The following IFT81 variants were observed in gnomAD, a reference collection of about 807,000 sequenced individuals.
IFT81 encodes intraflagellar transport protein 81 homolog.
A neutral mutation model predicts 102.6 loss-of-function variants in IFT81; 72 were observed. The observed-to-expected ratio is 0.70, with a 90% CI of 0.58 to 0.85. The LOEUF (loss-of-function observed/expected upper bound fraction) is 0.85, where lower values mean the gene tolerates loss of function less well. Ranked by LOEUF, IFT81 falls within the 40% of genes least tolerant of loss-of-function variation. The pLI is 0.00. For missense variants in IFT81, 723 were observed against 787.3 expected (o/e 0.92, Z 0.98); for synonymous variants, 237 against 242.7 (o/e 0.98, Z 0.22).
intron 8 of IFT81, 43 bp from the exon 9 acceptor site, chr12:110,143,339 C>T (rs1308296611): frequency 1.8e-6 from 2 of 1,137,094 alleles, no homozygotes; most frequent in Admixed American, 7.7e-5. Flanking sequence ...TATCACTGTA[C>T]CTACTCTTTT....
intron 9 of IFT81, among the ~76,000 whole-genome samples, chr12:110,145,635 C>T (rs1332552229): frequency 1.3e-5 from 2 of 151,224 alleles, no homozygotes; most frequent in Admixed American, 1.3e-4. Context: ...TGGGGTTTCA[C>T]TGTGTTGGCC....
intron 11 of IFT81, among the ~76,000 whole-genome samples, chr12:110,164,498 C>G (rs975106378): frequency 1.3e-5 from 2 of 151,962 alleles, no homozygotes; most frequent in African/African-American, 4.8e-5. Context: ...CAAAAGCTAT[C>G]GTGGAAAGCT....
At chr12:110,149,500 G>T (rs1895401984) in intron 10 of IFT81, among the ~76,000 whole-genome samples, 1 of 152,176 alleles carries the variant, frequency 6.6e-6, no homozygotes, top group African/African-American at 2.4e-5. Flanking sequence ...CTTATCACAA[G>T]GACAGAGGGC....
At chr12:110,166,315 A>C (rs541650650) in intron 11 of IFT81, among the ~76,000 whole-genome samples, 1 of 152,226 alleles carries the variant, frequency 6.6e-6, no homozygotes, top group African/African-American at 2.4e-5. Context: ...AATATGAAAT[A>C]GTTTCTGTTT....
At chr12:110,200,707 T>C (rs548889207) in intron 14 of IFT81, among the ~76,000 whole-genome samples, 3 of 152,236 alleles carry the variant, frequency 2.0e-5, no homozygotes, top group Non-Finnish European at 2.9e-5. Flanking sequence ...CCCAACACTT[T>C]GGGAGGCTGA....
At chr12:110,202,011 T>C (rs1041069170) in intron 14 of IFT81, among the ~76,000 whole-genome samples, 1 of 152,184 alleles carries the variant, frequency 6.6e-6, no homozygotes, top group African/African-American at 2.4e-5. Context: ...ATAAAAAATA[T>C]AGCATAGTAA....
At chr12:110,131,800 T>A (rs560444468) in intron 4 of IFT81, among the ~76,000 whole-genome samples, 1 of 152,330 alleles carries the variant, frequency 6.6e-6, no homozygotes, top group South Asian at 2.1e-4. Flanking sequence ...TAGTCAGTTA[T>A]AATTGTACAT....
At chr12:110,210,748 AC>A (rs1336702639) in intron 18 of IFT81, among the ~76,000 whole-genome samples, 1 of 151,740 alleles carries the variant, frequency 6.6e-6, no homozygotes, top group Non-Finnish European at 1.5e-5. Flanking sequence ...AAAGTTTCCT[AC>A]CACTATCATA....
At chr12:110,215,208 G>A (rs1384696535) in intron 18 of IFT81, among the ~76,000 whole-genome samples, 1 of 151,740 alleles carries the variant, frequency 6.6e-6, no homozygotes, top group Non-Finnish European at 1.5e-5. Flanking sequence ...TATATTGACC[G>A]TATGTTAAAA....
intron 11 of IFT81, among the ~76,000 whole-genome samples, chr12:110,166,766 A>G (rs1483671731): frequency 6.6e-6 from 1 of 150,968 alleles, no homozygotes; most frequent in Non-Finnish European, 1.5e-5. Context: ...GAATGGGTAA[A>G]TTTTAGGAAT....
In IFT81 at chr12:110,206,490, A is replaced by C. The variant is rs187622087; in HGVS notation, c.1802+810A>C. Among the ~76,000 whole-genome samples, 1,042 of 152,148 alleles carry C rather than the reference A, an allele frequency of 6.8e-3. 1 individual carries two copies. Among genetic ancestry groups the C allele is most frequent in the Non-Finnish European group, 9.4e-3 (642 of 68,012 alleles). ...CTCACGTTTATTCTAGATTGCATTGAGATTTTGAGTGGCATGTACATTAAT... is the reference window on the plus strand; with the variant it reads ...CTCACGTTTATTCTAGATTGCATTGCGATTTTGAGTGGCATGTACATTAAT... On this transcript the variant is annotated intron_variant, in intron 17 of 18. Coordinates refer to ENST00000242591, the MANE Select transcript of IFT81 (RefSeq NM_014055.4).
chr12:110,133,005 C>G (rs1401058637), intron 5 of IFT81, among the ~76,000 whole-genome samples: 1 of 138,530 alleles, frequency 7.2e-6, no homozygotes, highest in Non-Finnish European at 1.5e-5. Flanking sequence ...GGGTCTCACT[C>G]TGTCATTCAG....
intron 2 of IFT81, 108 bp downstream of exon 2, chr12:110,127,632 A>T: frequency 1.0e-6 from 1 of 997,038 alleles, no homozygotes; most frequent in Non-Finnish European, 1.4e-6. Flanking sequence ...TTTATTTTCC[A>T]TGTCTGTAAA....
intron 18 of IFT81, among the ~76,000 whole-genome samples, chr12:110,211,632 T>G (rs1869451451): frequency 6.6e-6 from 1 of 152,012 alleles, no homozygotes; most frequent in South Asian, 2.1e-4. Flanking sequence ...GATTTAATTA[T>G]TCTTGTTTTT....
At chr12:110,144,732 A>T (rs1895102588) in intron 9 of IFT81, among the ~76,000 whole-genome samples, 1 of 146,422 alleles carries the variant, frequency 6.8e-6, no homozygotes. Context: ...CTGGTCTTGA[A>T]CTCCTGACCT....
At chr12:110,126,303 G>A (rs7312939) in intron 1 of IFT81, among the ~76,000 whole-genome samples, 23,275 of 148,524 alleles carry the variant, frequency 0.16, 2,952 homozygotes, top group African/African-American at 0.35. Flanking sequence ...AAAAGCACAA[G>A]ATCAAAAGTA....
intron 12 of IFT81, among the ~76,000 whole-genome samples, chr12:110,182,395 T>A (rs1032851780): frequency 6.6e-6 from 1 of 152,202 alleles, no homozygotes; most frequent in African/African-American, 2.4e-5. Context: ...TCCTTTACTA[T>A]CCATTCTAGA....
chr12:110,178,839 A>G (rs1420700375), intron 11 of IFT81, among the ~76,000 whole-genome samples: 1 of 99,482 alleles, frequency 1.0e-5, no homozygotes. Context: ...CTGGTTTGGA[A>G]CTCCTAACCT....
At chr12:110,191,968 C>T (rs977613516) in intron 13 of IFT81, among the ~76,000 whole-genome samples, 2 of 151,928 alleles carry the variant, frequency 1.3e-5, no homozygotes, top group South Asian at 4.1e-4. Context: ...GTCAGGAGTT[C>T]GAGACCAGCC....
Sources: allele counts gnomAD v4.1 joint callset (sites outside exome capture counted in the v4.1 genomes callset), GRCh38; gene constraint gnomAD v4.1.1; transcripts MANE v1.5; gene names NCBI Gene and HGNC (gene_info 2026-07-23, HGNC 2026-07-21).